Variants in NRXN1 observed in about 807,000 individuals in gnomAD.
The protein encoded by NRXN1 is neurexin-1.
A neutral mutation model predicts 150.9 loss-of-function variants in NRXN1; 39 were observed. The ratio of observed to expected loss-of-function variants is 0.26; its 90% CI spans 0.20 to 0.34. NRXN1 has a LOEUF of 0.34. NRXN1 is among the 10% of genes least tolerant of loss of function. NRXN1 has a pLI of 1.00. For synonymous variants in NRXN1, 924 were observed against 757.0 expected (o/e 1.22, Z -3.62); for missense variants, 1,815 against 1,949.9 (o/e 0.93, Z 1.30).
chr2:50,694,586 T>A (rs1418252897), intron 5 of NRXN1, among the ~76,000 whole-genome samples: 1 of 152,156 alleles, frequency 6.6e-6, no homozygotes, highest in Non-Finnish European at 1.5e-5. Flanking sequence ...TCTCTGTTCA[T>A]CTCTACAAAG....
intron 2 of NRXN1, among the ~76,000 whole-genome samples, chr2:50,990,001 A>T (rs1698308463): frequency 6.6e-6 from 1 of 151,978 alleles, no homozygotes; most frequent in South Asian, 2.1e-4. Flanking sequence ...CATTTTTTTA[A>T]AAAATTAGCC....
chr2:50,736,488 C>A lies in NRXN1; in HGVS notation c.833-112873G>T, dbSNP rs137975134. Among the ~76,000 whole-genome samples, 189 of 152,232 alleles carry A rather than the reference C, an allele frequency of 1.2e-3. 1 individual carries two copies. The highest frequency in any genetic ancestry group is 4.4e-3 in the African/African-American group (182 of 41,540). On this transcript the variant is annotated intron_variant, in intron 5 of 22. Transcript: ENST00000401669. ...GGCTGTGTCCCCACCCAAATCTTAT[C>A]TTGAATTGCAGCTCCCATAATTCCC...
At chr2:50,622,587 T>C (rs1284869510) in intron 6 of NRXN1, among the ~76,000 whole-genome samples, 8 of 152,146 alleles carry the variant, frequency 5.3e-5, no homozygotes, top group African/African-American at 1.7e-4. Context: ...TAATCACGTA[T>C]TCATTAAAAA....
chr2:51,031,514 T>A (rs2105357167), intron 1 of NRXN1, among the ~76,000 whole-genome samples: 1 of 152,202 alleles, frequency 6.6e-6, no homozygotes, highest in Middle Eastern at 3.4e-3. Context: ...ATTTCACCCC[T>A]GGCTTTTGCA....
At chr2:50,310,804 T>C (rs2075111168) in intron 17 of NRXN1, among the ~76,000 whole-genome samples, 1 of 152,138 alleles carries the variant, frequency 6.6e-6, no homozygotes, top group Non-Finnish European at 1.5e-5. Context: ...GGAGAAAATA[T>C]TCGTGAAGAC....
chr2:50,749,891 TC>T, intron 5 of NRXN1, among the ~76,000 whole-genome samples: 1 of 152,174 alleles, frequency 6.6e-6, no homozygotes, highest in Non-Finnish European at 1.5e-5. Context: ...AACTACCCCA[TC>T]TTCCACCACC....
chr2:50,891,905 T>C (rs920557400), intron 5 of NRXN1, among the ~76,000 whole-genome samples: 2 of 152,070 alleles, frequency 1.3e-5, no homozygotes, highest in Admixed American at 1.3e-4. Flanking sequence ...ATTTTCTGAG[T>C]GCCTACTACA....
Position 50,497,369 on chromosome 2 carries a change from T to C in NRXN1, c.2843A>G (p.Asp948Gly), listed in dbSNP as rs1057518283. ...TTCAACCACAATAAAGTCATTTCCA[T>C]CCCCACTGTTATATAGAATTAATCC... ...LDGLILYNSG[D>G]GNDFIVVELV... is the part of the protein sequence containing the mutation. The change falls in exon 14 of 23, where the codon GAT becomes GGT. Residue 948 changes from aspartate to glycine, a missense_variant. Physicochemically the swap from Asp to Gly is moderately conservative, Grantham distance 94. Coordinates refer to ENST00000401669, the MANE Select transcript of NRXN1 (RefSeq NM_001330078.2). 6.4e-7 allele frequency: 1 copy of C among 1,557,094 alleles called. No homozygotes were observed. Among genetic ancestry groups the C allele is most frequent in the Non-Finnish European group, 8.7e-7 (1 of 1,150,258 alleles).
chr2:50,576,037 G>A (rs916091124), intron 8 of NRXN1, among the ~76,000 whole-genome samples: 1 of 152,100 alleles, frequency 6.6e-6, no homozygotes, highest in Non-Finnish European at 1.5e-5. Flanking sequence ...AAGACAGCAG[G>A]GAGGGGGAGA....
chr2:50,659,916 G>C (rs1687048766), intron 5 of NRXN1, among the ~76,000 whole-genome samples: 1 of 151,790 alleles, frequency 6.6e-6, no homozygotes, highest in Admixed American at 6.6e-5. Context: ...AGAAACAATG[G>C]GATCTGGGAA....
intron 21 of NRXN1, among the ~76,000 whole-genome samples, chr2:49,977,192 G>T (rs1360431052): frequency 5.9e-5 from 9 of 152,108 alleles, no homozygotes; most frequent in African/African-American, 2.2e-4. Context: ...TTAAGTCAAA[G>T]ATTACAATTT....
At chr2:49,953,045 A>G (rs1176114439) in intron 21 of NRXN1, among the ~76,000 whole-genome samples, 1 of 152,144 alleles carries the variant, frequency 6.6e-6, no homozygotes, top group Admixed American at 6.6e-5. Flanking sequence ...ACCTTTGGAC[A>G]AGCAGCCAGT....
intron 5 of NRXN1, among the ~76,000 whole-genome samples, chr2:50,831,859 C>CTGTTCATG (rs1387906382): frequency 6.6e-6 from 1 of 152,156 alleles, no homozygotes; most frequent in Non-Finnish European, 1.5e-5. Context: ...TCTTTTGTGT[C>CTGTTCATG]TGTTCATGTG....
intron 13 of NRXN1, among the ~76,000 whole-genome samples, chr2:50,505,953 C>T (rs1406396027): frequency 3.9e-5 from 6 of 152,052 alleles, no homozygotes; most frequent in African/African-American, 1.4e-4. Flanking sequence ...TACAGCTCAC[C>T]TCAGGAATCT....
chr2:50,941,719 T>C (rs1242803024), intron 2 of NRXN1, among the ~76,000 whole-genome samples: 1 of 152,188 alleles, frequency 6.6e-6, no homozygotes, highest in Non-Finnish European at 1.5e-5. Context: ...TCACATACGT[T>C]CACAAACAGA....
At chr2:50,992,997 C>T (rs1260406025) in intron 2 of NRXN1, among the ~76,000 whole-genome samples, 1 of 151,910 alleles carries the variant, frequency 6.6e-6, no homozygotes, top group Non-Finnish European at 1.5e-5. Flanking sequence ...AAGCTATGGA[C>T]TAAGCCATCT....
intron 15 of NRXN1, among the ~76,000 whole-genome samples, chr2:50,495,607 A>C (rs1402544435): frequency 6.6e-6 from 1 of 152,150 alleles, no homozygotes; most frequent in Non-Finnish European, 1.5e-5. Context: ...GGACTTAAGT[A>C]ACTTACAAAT....
Position 49,921,180 on chromosome 2 carries a change from G to A in NRXN1, c.*764C>T. 1 of 152,614 alleles carries A rather than the reference G, an allele frequency of 6.6e-6. No homozygotes were observed. The highest frequency in any genetic ancestry group is 1.9e-4 in the East Asian group (1 of 5,186). 9.5% of individuals were successfully genotyped at this position (152,614 alleles called of 1,614,324 possible). A position where few individuals can be genotyped will look rare whatever the true frequency, so the allele number is the denominator to read the frequency against. ...CTTATCACAGTCCAGAAAGCACACA[G>A]AGATGGATTTTATATAAACATATGT... On this transcript the variant is annotated 3_prime_UTR_variant, in exon 23 of 23. Coordinates refer to ENST00000401669, the MANE Select transcript of NRXN1 (RefSeq NM_001330078.2).
intron 11 of NRXN1, among the ~76,000 whole-genome samples, chr2:50,530,710 A>T (rs1408240152): frequency 6.6e-6 from 1 of 152,174 alleles, no homozygotes; most frequent in Non-Finnish European, 1.5e-5. Context: ...ATACCACCAC[A>T]CAGTACTCCG....
Sources: allele counts gnomAD v4.1 joint callset (sites outside exome capture counted in the v4.1 genomes callset), GRCh38; gene constraint gnomAD v4.1.1; transcripts MANE v1.5; gene names NCBI Gene and HGNC (gene_info 2026-07-23, HGNC 2026-07-21).